LYRM4: variants seen among roughly 807,000 people sequenced by gnomAD.
LYRM4 encodes the protein LYR motif-containing protein 4.
In LYRM4, 9 loss-of-function variants were observed where a neutral mutation model predicts 11.7. That is an observed-to-expected ratio of 0.77 (90% confidence interval 0.46 to 1.34). LYRM4 has a LOEUF of 1.34. Among genes scored for constraint, LYRM4 ranks in the 40% most tolerant of loss-of-function variants. The pLI, the probability that LYRM4 is intolerant of heterozygous loss-of-function variation, is 0.00. For missense variants in LYRM4, 133 were observed against 112.5 expected, an observed-to-expected ratio of 1.18 and a Z score of -0.82; for synonymous variants, 42 against 40.4, an observed-to-expected ratio of 1.04 and a Z score of -0.15.
chr6:5,169,998 A>G (rs1327946057), intron 2 of LYRM4, among the ~76,000 whole-genome samples: 1 of 152,232 alleles, frequency 6.6e-6, no homozygotes, highest in Non-Finnish European at 1.5e-5. Context: ...GCAGACAACA[A>G]CTGGGCAGGC....
chr6:5,260,693 C>G lies in LYRM4; in HGVS notation c.41G>C (p.Arg14Pro). ...SSRAQVLSLY[R>P]AMLRESKRFS... ...ACGCTTGCTCTCTCTCAGCATCGCC[C>G]GGTACAGAGATAACACTTGTGCGCG... The change falls in exon 1 of 3, where the codon CGG becomes CCG. Residue 14 changes from arginine (R) to proline (P), a missense_variant. Arg to Pro is a moderately radical substitution (Grantham distance 103). Coordinates refer to ENST00000330636, the MANE Select transcript of LYRM4 (RefSeq NM_020408.6). 2 of 1,554,954 alleles carry G rather than the reference C, an allele frequency of 1.3e-6. No individual in the cohort carries two copies. Among genetic ancestry groups the G allele is most frequent in the Non-Finnish European group, 1.7e-6 (2 of 1,150,872 alleles).
intron 2 of LYRM4, among the ~76,000 whole-genome samples, chr6:5,195,467 C>CA (rs978094922): frequency 7.9e-5 from 12 of 151,194 alleles, no homozygotes; most frequent in East Asian, 1.9e-4. Flanking sequence ...GAAACAAAAA[C>CA]AAAAAAAACC....
chr6:5,164,604 T>A (rs544323478), intron 2 of LYRM4, among the ~76,000 whole-genome samples: 1 of 152,262 alleles, frequency 6.6e-6, no homozygotes, highest in South Asian at 2.1e-4. Flanking sequence ...AAATTCTAGG[T>A]GTTTCTGGAG....
chr6:5,254,511 C>T (rs886286356), intron 1 of LYRM4, among the ~76,000 whole-genome samples: 9 of 152,094 alleles, frequency 5.9e-5, no homozygotes, highest in Non-Finnish European at 1.0e-4. Flanking sequence ...GGCCCAAAAC[C>T]GCAATTACTT....
At chr6:5,175,395 T>C (rs1037781064) in intron 2 of LYRM4, among the ~76,000 whole-genome samples, 20 of 152,218 alleles carry the variant, frequency 1.3e-4, no homozygotes, top group Non-Finnish European at 7.3e-5. Context: ...CTGGCACTTC[T>C]ACACATGCCA....
chr6:5,109,433 G>A lies in LYRM4; in HGVS notation c.266C>T (p.Pro89Leu), dbSNP rs777409944. The change falls in exon 3 of 3, where the codon CCC becomes CTC. Residue 89 changes from proline (P) to leucine (L), a missense_variant. Transcript: ENST00000330636. ...CTGGTCCCCGGCTTGCTAGGTCCTG[G>A]GCATGTCTCGATTCTCAATGATCAG... ...DKLIIENRDM[P>L]RT The A allele has an allele frequency of 1.2e-5, 19 of 1,613,994 alleles. 1 individual carries two copies. The highest frequency in any genetic ancestry group is 5.9e-6 in the Non-Finnish European group (7 of 1,179,996).
At chr6:5,253,030 C>A (rs1031284855) in intron 1 of LYRM4, among the ~76,000 whole-genome samples, 1 of 152,170 alleles carries the variant, frequency 6.6e-6, no homozygotes, top group Non-Finnish European at 1.5e-5. Context: ...TATGGCCTTT[C>A]CTTTGTACTT....
At chr6:5,168,444 C>T (rs1759218951) in intron 2 of LYRM4, among the ~76,000 whole-genome samples, 1 of 152,184 alleles carries the variant, frequency 6.6e-6, no homozygotes, top group Non-Finnish European at 1.5e-5. Context: ...ATGCAGTATT[C>T]TTGCCAGAAA....
chr6:5,098,808 G>A (rs897073517), downstream of LYRM4, among the ~76,000 whole-genome samples: 1 of 152,188 alleles, frequency 6.6e-6, no homozygotes, highest in African/African-American at 2.4e-5. Flanking sequence ...TTGCTGAGGG[G>A]AATGGCTGCT....
chr6:5,134,529 C>T (rs454984), intron 2 of LYRM4, among the ~76,000 whole-genome samples: 91,954 of 152,102 alleles, frequency 0.6, 28,353 homozygotes, highest in East Asian at 0.81. Flanking sequence ...GTTATGATAA[C>T]GGTATCATAG....
chr6:5,086,394 G>C, the LYRM4 span: 14 of 1,536,120 alleles, frequency 9.1e-6, no homozygotes, highest in Non-Finnish European at 1.2e-5. Flanking sequence ...TCCACTTCTC[G>C]CTGTGCCTGC....
chr6:5,246,218 A>G (rs927552729), intron 1 of LYRM4, among the ~76,000 whole-genome samples: 2 of 152,242 alleles, frequency 1.3e-5, no homozygotes, highest in Non-Finnish European at 2.9e-5. Flanking sequence ...GGCACTATTA[A>G]GAAAATGCAA....
chr6:5,038,428 CG>C, the LYRM4 span, among the ~76,000 whole-genome samples: 46 of 65,900 alleles, frequency 7.0e-4, no homozygotes, highest in East Asian at 8.5e-3. Context: ...AGAGGCTCCC[CG>C]TATCCCAGAC....
intron 2 of LYRM4, among the ~76,000 whole-genome samples, chr6:5,119,241 G>A (rs1028420091): frequency 5.9e-5 from 9 of 152,102 alleles, no homozygotes; most frequent in African/African-American, 1.9e-4. Flanking sequence ...CCACTATCCC[G>A]TGTCACAGTT....
At chr6:5,245,158 ATAT>A (rs1561899240) in intron 1 of LYRM4, among the ~76,000 whole-genome samples, 38 of 99,496 alleles carry the variant, frequency 3.8e-4, no homozygotes, top group African/African-American at 7.6e-4. Context: ...ATATATATAT[ATAT>A]ATAAAATAGG....
chr6:5,190,045 A>C (rs1263516662), intron 2 of LYRM4, among the ~76,000 whole-genome samples: 1 of 152,166 alleles, frequency 6.6e-6, no homozygotes, highest in African/African-American at 2.4e-5. Flanking sequence ...CTGCTTTCTA[A>C]TTTGCCTCAA....
At chr6:5,139,804 G>A (rs1757305132) in intron 2 of LYRM4, among the ~76,000 whole-genome samples, 1 of 151,432 alleles carries the variant, frequency 6.6e-6, no homozygotes, top group African/African-American at 2.4e-5. Context: ...TTCCAGGCTG[G>A]GGCGTGGTGG....
At chr6:5,124,309 C>T (rs924409396) in intron 2 of LYRM4, among the ~76,000 whole-genome samples, 3 of 152,218 alleles carry the variant, frequency 2.0e-5, no homozygotes, top group African/African-American at 7.2e-5. Flanking sequence ...CCCCGCTGCT[C>T]TGTCTCAGGT....
At chr6:5,240,358 T>G in intron 1 of LYRM4, among the ~76,000 whole-genome samples, 1 of 152,188 alleles carries the variant, frequency 6.6e-6, no homozygotes, top group Non-Finnish European at 1.5e-5. Context: ...GTACCCAAGT[T>G]AATTTATTTT....
Sources: allele counts gnomAD v4.1 joint callset (sites outside exome capture counted in the v4.1 genomes callset), GRCh38; gene constraint gnomAD v4.1.1; transcripts MANE v1.5; gene names NCBI Gene and HGNC (gene_info 2026-07-23, HGNC 2026-07-21).